WDR89: variants seen among roughly 807,000 people sequenced by gnomAD.
WDR89 encodes the protein WD repeat domain 89.
In WDR89, 17 loss-of-function variants were observed where a neutral mutation model predicts 29.1. The observed-to-expected ratio is 0.58, with a 90% CI of 0.40 to 0.88. WDR89 has a LOEUF of 0.88. Ranked by LOEUF, WDR89 falls within the 40% of genes least tolerant of loss-of-function variation. The probability of loss-of-function intolerance (pLI) is 0.00; values close to 1 mark genes in which losing one functional copy is unlikely to be tolerated. For synonymous variants in WDR89, 138 were observed against 157.8 expected (o/e 0.87, Z 0.94); for missense variants, 396 against 456.3 (o/e 0.87, Z 1.20).
Position 63,597,286 on chromosome 14 carries a change from A to T in WDR89, c.*1493T>A, listed in dbSNP as rs1470973622. The T allele has an allele frequency of 1.3e-5, 2 of 152,192 alleles. No homozygotes were observed. Among genetic ancestry groups the T allele is most frequent in the Non-Finnish European group, 2.9e-5 (2 of 68,038 alleles). The allele number at this position is 152,192 out of a possible 1,614,324, so 9.4% of individuals were successfully genotyped here. On this transcript the variant is annotated 3_prime_UTR_variant, in exon 3 of 3. Transcript: ENST00000620954. ...CCCCATGATCCAATCACCTCCCACC[A>T]GGTCTCTCCCTAGACACATGGGGAT...
At position 63,599,060 on chromosome 14, in the gene WDR89, T is replaced by C. The variant is rs1224765834; in HGVS notation, c.883A>G (p.Thr295Ala). 1 of 1,614,204 alleles carries C rather than the reference T, an allele frequency of 6.2e-7. No individual in the cohort carries two copies. ...ATCAAATGAATCCTTCCTTTGTTTG[T>C]TCCTCCAATAACATGCAATGTGTCT... is the stretch of plus-strand genomic sequence containing the variant. ...KTDTLHVIGG[T>A]NKGRIHLMNC... The change falls in exon 3 of 3, where the codon ACA (threonine) becomes GCA (alanine). Residue 295 changes from threonine (T) to alanine (A), a missense_variant. Coordinates refer to ENST00000620954, the MANE Select transcript of WDR89 (RefSeq NM_080666.4).
intron 2 of WDR89, among the ~76,000 whole-genome samples, chr14:63,616,900 G>C (rs1882342958): frequency 6.6e-6 from 1 of 152,032 alleles, no homozygotes; most frequent in Non-Finnish European, 1.5e-5. Flanking sequence ...AGTTCTAACA[G>C]AAGTGGCTGG....
chr14:63,634,966 G>C (rs1883637100), intron 1 of WDR89, among the ~76,000 whole-genome samples: 3 of 151,690 alleles, frequency 2.0e-5, no homozygotes, highest in South Asian at 4.2e-4. Context: ...TGAACCTAGA[G>C]GCAGAGGTTG....
intron 2 of WDR89, among the ~76,000 whole-genome samples, chr14:63,619,118 T>G (rs909668729): frequency 6.6e-6 from 1 of 152,112 alleles, no homozygotes; most frequent in Non-Finnish European, 1.5e-5. Context: ...GGTCGGCAGG[T>G]GGTGGGGAAG....
chr14:63,631,850 G>A (rs1054898941), intron 1 of WDR89, among the ~76,000 whole-genome samples: 2 of 152,132 alleles, frequency 1.3e-5, no homozygotes, highest in Non-Finnish European at 2.9e-5. Context: ...GGTGGTTCAC[G>A]CCTGTAATCC....
chr14:63,603,420 C>T (rs773784926), intron 2 of WDR89, among the ~76,000 whole-genome samples: 3 of 152,144 alleles, frequency 2.0e-5, no homozygotes, highest in Non-Finnish European at 2.9e-5. Flanking sequence ...TTTGAATATC[C>T]TATTCTTCAA....
chr14:63,600,913 G>A (rs531951103), intron 2 of WDR89, among the ~76,000 whole-genome samples: 69 of 152,100 alleles, frequency 4.5e-4, no homozygotes, highest in Non-Finnish European at 7.4e-4. Context: ...TGTTATCACC[G>A]TGGCCCAATA....
At chr14:63,615,478 T>A (rs1336559433) in intron 2 of WDR89, among the ~76,000 whole-genome samples, 1 of 152,086 alleles carries the variant, frequency 6.6e-6, no homozygotes, top group African/African-American at 2.4e-5. Flanking sequence ...GCAAAAAAAA[T>A]GAGGAAAAAC....
At chr14:63,616,888 A>G (rs74058036) in intron 2 of WDR89, among the ~76,000 whole-genome samples, 1,616 of 152,226 alleles carry the variant, frequency 0.011, 33 homozygotes, top group African/African-American at 0.037. Flanking sequence ...GTTCTGAGAA[A>G]GAGTTCTAAC....
intron 2 of WDR89, among the ~76,000 whole-genome samples, chr14:63,605,422 T>C (rs995125700): frequency 9.2e-5 from 14 of 152,040 alleles, no homozygotes; most frequent in African/African-American, 3.1e-4. Flanking sequence ...TAAAGGACTA[T>C]GTTACGGGTT....
At chr14:63,600,946 T>A (rs1895038260) in intron 2 of WDR89, among the ~76,000 whole-genome samples, 1 of 151,754 alleles carries the variant, frequency 6.6e-6, no homozygotes, top group Non-Finnish European at 1.5e-5. Context: ...TCTTCAAAAG[T>A]GGAAGAGGGA....
At chr14:63,628,234 G>A (rs1489627959) in intron 1 of WDR89, among the ~76,000 whole-genome samples, 6 of 152,088 alleles carry the variant, frequency 3.9e-5, no homozygotes, top group Non-Finnish European at 5.9e-5. Context: ...GCAAGACCTT[G>A]TCTCAAAAAA....
At position 63,632,297 on chromosome 14, in the gene WDR89, G is replaced by C. The variant is rs368511954; in HGVS notation, c.-137-7264C>G. Among the ~76,000 whole-genome samples, 17 of 151,796 alleles carry C rather than the reference G, an allele frequency of 1.1e-4. No homozygotes were observed. The South Asian group carries it at 3.5e-3, about 32-fold the overall frequency. Reference sequence around the variant, plus strand: ...TCTACAACTCAGAGGGAAAGTACGGGATTCTGTTATCAGACTATAGGAAGT... The same window carrying C: ...TCTACAACTCAGAGGGAAAGTACGGCATTCTGTTATCAGACTATAGGAAGT... On this transcript the variant is annotated intron_variant, in intron 1 of 2. Coordinates refer to ENST00000620954, the MANE Select transcript of WDR89 (RefSeq NM_080666.4).
At position 63,617,641 on chromosome 14, in the gene WDR89, C is replaced by T. The variant is rs376851071; in HGVS notation, c.-32+7287G>A. Among the ~76,000 whole-genome samples, 4 of 152,028 alleles carry T rather than the reference C, an allele frequency of 2.6e-5. No individual in the cohort carries two copies. In the East Asian group the frequency reaches 5.8e-4, roughly 22 times the overall value. ...CTGGAGTTACAGGCACCCACCACCA[C>T]GCCCAGCTAATTTTTGTAGTTTTAG... On this transcript the variant is annotated intron_variant, in intron 2 of 2. Coordinates refer to ENST00000620954, the MANE Select transcript of WDR89 (RefSeq NM_080666.4).
intron 1 of WDR89, among the ~76,000 whole-genome samples, chr14:63,634,120 C>T (rs1335050738): frequency 2.0e-4 from 31 of 152,202 alleles, no homozygotes; most frequent in Non-Finnish European, 5.9e-5. Context: ...GGCACAGTGG[C>T]TCACACCTAT....
rs571305128 is a variant in WDR89 at position 63,609,493 on chromosome 14, T to C, written c.-31-9520A>G. Among the ~76,000 whole-genome samples the C allele has an allele frequency of 1.7e-4, 26 of 152,228 alleles. No homozygotes were observed. The South Asian group carries it at 5.4e-3, about 32-fold the overall frequency. The stretch of plus-strand genomic sequence containing the variant: ...TTCATTTTATAATGAAAAATACACC[T>C]CTAAAGAGCATATGGCCGGGCGTGG... On this transcript the variant is annotated intron_variant, in intron 2 of 2. Coordinates refer to ENST00000620954, the MANE Select transcript of WDR89 (RefSeq NM_080666.4).
chr14:63,627,123 A>AACACACACACACAC lies in WDR89; in HGVS notation c.-137-2104_-137-2091dup, dbSNP rs756971522. 9.9e-3 allele frequency among the ~76,000 whole-genome samples: 1,213 copies of AACACACACACACAC among 122,664 alleles called. 23 individuals carry two copies. Among genetic ancestry groups the AACACACACACACAC allele is most frequent in the African/African-American group, 0.034 (1,146 of 33,652 alleles). 80.5% of individuals were successfully genotyped at this position (122,664 alleles called of 152,430 possible). A position where few individuals can be genotyped will look rare whatever the true frequency, so the allele number is the denominator to read the frequency against. ...GTGACAGAATAAGACTTTGTCTCTAAACACACACACACACACACACACACA... is the reference window on the plus strand; with the variant it reads ...GTGACAGAATAAGACTTTGTCTCTAAACACACACACACACACACACACACACACACACACACACA... On this transcript the variant is annotated intron_variant, in intron 1 of 2. Transcript: ENST00000620954.
intron 2 of WDR89, among the ~76,000 whole-genome samples, chr14:63,616,309 G>A (rs903408939): frequency 6.6e-6 from 1 of 152,118 alleles, no homozygotes; most frequent in Non-Finnish European, 1.5e-5. Context: ...GAAAGGTTAT[G>A]ACATGACAGG....
chr14:63,625,793 G>A (rs1882996226), intron 1 of WDR89, among the ~76,000 whole-genome samples: 1 of 151,062 alleles, frequency 6.6e-6, no homozygotes, highest in African/African-American at 2.4e-5. Context: ...GCTCATTGTA[G>A]AAAATGTGGA....
Sources: gnomAD v4.1 joint callset for allele counts (sites outside exome capture counted in the v4.1 genomes callset) on GRCh38, gnomAD v4.1.1 for gene constraint, MANE v1.5 for transcripts, NCBI Gene and HGNC (gene_info 2026-07-23, HGNC 2026-07-21) for gene names.